Variants in PCSK4 observed in about 807,000 individuals in gnomAD.
PCSK4 encodes the protein testicular tissue protein Li 135.
A neutral mutation model predicts 80.3 loss-of-function variants in PCSK4; 64 were observed. The ratio of observed to expected loss-of-function variants is 0.80; its 90% confidence interval spans 0.65 to 0.98. PCSK4 has a LOEUF of 0.98. Among genes scored for constraint, PCSK4 ranks in the 50% least tolerant of loss-of-function variants. The probability of loss-of-function intolerance (pLI) is 0.00; values close to 1 mark genes in which losing one functional copy is unlikely to be tolerated. For synonymous variants in PCSK4, 561 were observed against 487.6 expected, an observed-to-expected ratio of 1.15 and a Z score of -1.98; for missense variants, 1,213 against 1,093.6, an observed-to-expected ratio of 1.11 and a Z score of -1.54.
At chr19:1,482,906 A>G (rs1347452218) in exon 13 of PCSK4, 2 of 1,613,550 alleles carry the variant, frequency 1.2e-6, no homozygotes, top group African/African-American at 2.7e-5. Context: ...CCGTGTTGAA[A>G]TAGTAGCCCT....
chr19:1,481,781 A>G (rs769548309), exon 15 of PCSK4: 1 of 1,513,478 alleles, frequency 6.6e-7, no homozygotes, highest in Non-Finnish European at 8.9e-7. Flanking sequence ...TGGCAGCCAG[A>G]CCTGGGGTTT....
exon 7 of PCSK4, chr19:1,487,311 C>G: frequency 6.3e-7 from 1 of 1,585,808 alleles, no homozygotes; most frequent in Middle Eastern, 1.9e-4. Context: ...AGCATCCGTA[C>G]GCCTGCAGAG....
intron 5 of PCSK4, 36 bp downstream of exon 5, chr19:1,487,748 TG>T: frequency 1.3e-6 from 2 of 1,546,950 alleles, no homozygotes; most frequent in Non-Finnish European, 8.8e-7. Flanking sequence ...TGCCGGGTAC[TG>T]GGGCTTCCCC....
chr19:1,487,570 C>T (rs1173002464), intron 6 of PCSK4, 33 bp downstream of exon 6: 4 of 1,522,092 alleles, frequency 2.6e-6, no homozygotes. Context: ...CCCTCTCTGT[C>T]CCGGAATGGT....
At chr19:1,489,437 C>A (rs1178684248) in intron 2 of PCSK4, among the ~76,000 whole-genome samples, 3 of 152,186 alleles carry the variant, frequency 2.0e-5, no homozygotes, top group Non-Finnish European at 4.4e-5. Flanking sequence ...CCGGGCCAAG[C>A]CTCCTACTCT....
chr19:1,487,200 G>A (rs568208587), exon 7 of PCSK4: 21 of 1,608,182 alleles, frequency 1.3e-5, no homozygotes, highest in African/African-American at 8.0e-5. Context: ...TCCACCGTGC[G>A]GCCGTCGTCC....
At position 1,483,281 on chromosome 19, in the gene PCSK4, C is replaced by T; in HGVS notation, c.1571+3G>A. Reference sequence around the variant, plus strand: ...CGCCCCCTCTCCTCTGCGGGCCGCTCACCGTATGGCCACGAGTGTGGAGCG... The same window carrying T: ...CGCCCCCTCTCCTCTGCGGGCCGCTTACCGTATGGCCACGAGTGTGGAGCG... On this transcript the variant is annotated splice_donor_region_variant and intron_variant, in intron 12 of 14. Coordinates refer to ENST00000300954, the Ensembl canonical transcript of PCSK4. 1.3e-6 allele frequency: 2 copies of T among 1,578,390 alleles called. No homozygotes were observed. The highest frequency in any genetic ancestry group is 8.6e-7 in the Non-Finnish European group (1 of 1,161,240).
chr19:1,489,403 G>A (rs1280696041), intron 2 of PCSK4, among the ~76,000 whole-genome samples: 1 of 152,176 alleles, frequency 6.6e-6, no homozygotes, highest in African/African-American at 2.4e-5. Flanking sequence ...CAAAGTGCTG[G>A]GATTACAGGC....
Position 1,487,952 on chromosome 19 carries a change from C to T in PCSK4, c.516+12G>A. 6.2e-7 allele frequency: 1 copy of T among 1,603,836 alleles called. No homozygotes were observed. Among genetic ancestry groups the T allele is most frequent in the Non-Finnish European group, 8.5e-7 (1 of 1,172,980 alleles). On this transcript the variant is annotated intron_variant, in intron 4 of 14. Coordinates refer to ENST00000300954, the Ensembl canonical transcript of PCSK4. ...TGGGGCAGCCCTCGCCCACAGCCAC[C>T]CGCGGTCTCACGTAGTTGGCCCAGA...
At chr19:1,484,075 GCCGAGGTGCCCGTGTGCTGGT>G in exon 9 of PCSK4, 1 of 1,566,002 alleles carries the variant, frequency 6.4e-7, no homozygotes, top group Non-Finnish European at 8.6e-7. Flanking sequence ...TGGGGCTGAG[GCCGAGGTGCCCGTGTGCTGGT>G]CTGTGCACCC....
chr19:1,489,885 C>T (rs2084847580), exon 2 of PCSK4: 6 of 1,608,624 alleles, frequency 3.7e-6, no homozygotes, highest in South Asian at 2.2e-5. Context: ...AAGTACTGCC[C>T]GTCAGGGAAG....
exon 13 of PCSK4, chr19:1,482,909 G>A: frequency 1.9e-6 from 3 of 1,571,444 alleles, no homozygotes; most frequent in Non-Finnish European, 2.6e-6. Flanking sequence ...TGTTGAAATA[G>A]TAGCCCTTGT....
intron 8 of PCSK4, among the ~76,000 whole-genome samples, chr19:1,485,830 C>CA (rs1012928594): frequency 4.6e-5 from 7 of 152,176 alleles, no homozygotes; most frequent in African/African-American, 1.7e-4. Context: ...GAGATCGCGC[C>CA]ACTGCACTCC....
chr19:1,488,319 G>A (rs569645054), intron 2 of PCSK4, 39 bp from the exon 3 acceptor site: 32 of 1,502,320 alleles, frequency 2.1e-5, no homozygotes, highest in African/African-American at 1.1e-4. Flanking sequence ...TCCCCTGCTC[G>A]CCCCTGGGGC....
chr19:1,489,473 A>G (rs1253179650), intron 2 of PCSK4: 4 of 338,966 alleles, frequency 1.2e-5, no homozygotes, highest in Non-Finnish European at 1.1e-5. Context: ...GTGTCGTAAA[A>G]TCCCCTTCCC....
exon 10 of PCSK4, chr19:1,483,939 G>T (rs1451577854): frequency 1.0e-5 from 15 of 1,443,244 alleles, no homozygotes; most frequent in Non-Finnish European, 1.2e-5. Flanking sequence ...CGTCAGGAAC[G>T]GGCTGCGGGG....
chr19:1,488,360 GTGCCCTGGGACCCTGTGTT>G (rs2084753898), intron 2 of PCSK4, 80 bp from the exon 3 acceptor site: 3 of 1,045,870 alleles, frequency 2.9e-6, no homozygotes, highest in Non-Finnish European at 4.3e-6. Context: ...AGGCAGCCCC[GTGCCCTGGGACCCTGTGTT>G]TGTGGGGGTT....
chr19:1,490,720 A>G (rs1432399665), upstream of PCSK4: 22 of 239,522 alleles, frequency 9.2e-5, no homozygotes, highest in Non-Finnish European at 1.4e-4. Flanking sequence ...CCTAATCAGA[A>G]TCATTCTTTT....
Position 1,488,230 on chromosome 19 carries a change from G to A in PCSK4, c.345C>T (p.Val115=), listed in dbSNP as rs749434283. Residue 115 remains valine (V), a synonymous_variant, in exon 3 of 15, where the codon GTC becomes GTT. Coordinates refer to ENST00000300954, the Ensembl canonical transcript of PCSK4. ...AGAACCAGGGGTCCGTGGGCACCAC[G>A]ACAGAGCGTTTCACCCGCCGCTGCA... The A allele has an allele frequency of 1.9e-5, 31 of 1,613,054 alleles. No homozygotes were observed. In the Middle Eastern group the frequency reaches 4.9e-4, roughly 26 times the overall value.
Sources: gnomAD v4.1 joint callset for allele counts (sites outside exome capture counted in the v4.1 genomes callset) on GRCh38, gnomAD v4.1.1 for gene constraint, MANE v1.5 for transcripts, NCBI Gene and HGNC (gene_info 2026-07-23, HGNC 2026-07-21) for gene names.